The following GDAP2 variants were observed in gnomAD, a reference collection of about 807,000 sequenced individuals.
The protein encoded by GDAP2 is ganglioside induced differentiation associated protein 2, also known as ganglioside-induced differentiation-associated protein 2.
Under a neutral mutation model 67.0 loss-of-function variants are expected in GDAP2, and 51 were observed. The ratio of observed to expected loss-of-function variants is 0.76; its 90% CI spans 0.61 to 0.96. The LOEUF is 0.96. GDAP2 is among the 40% of genes least tolerant of loss of function. GDAP2 has a pLI of 0.00. For missense variants in GDAP2, 547 were observed against 588.3 expected (o/e 0.93, Z 0.73); for synonymous variants, 203 against 207.3 (o/e 0.98, Z 0.18).
chr1:117,883,279 T>C, intron 11 of GDAP2: 1 of 462,456 alleles, frequency 2.2e-6, no homozygotes, highest in Non-Finnish European at 3.9e-6. Context: ...AGATTGGTAA[T>C]GTAAAAAGTT....
chr1:117,896,938 C>T lies in GDAP2; in HGVS notation c.848G>A (p.Gly283Asp), dbSNP rs367706263. The stretch of plus-strand genomic sequence containing the variant: ...TTCCATTCGAGCAAAAGCATGAGAG[C>T]CAATGAAAGAGAGATCAACTCCCAA... ...EGLGVDLSFI[G>D]SHAFARMEGD... is the part of the protein sequence containing the mutation. The change falls in exon 8 of 14, where the codon GGC (glycine) becomes GAC (aspartate). Residue 283 changes from glycine (G) to aspartate (D), a missense_variant. By Grantham distance (94) the Gly-to-Asp change is moderately conservative. Transcript: ENST00000369443. 6.2e-6 allele frequency: 10 copies of T among 1,611,532 alleles called. No homozygotes were observed. The highest frequency in any genetic ancestry group is 8.5e-6 in the Non-Finnish European group (10 of 1,178,110).
intron 12 of GDAP2, among the ~76,000 whole-genome samples, chr1:117,879,785 A>C (rs1648588049): frequency 6.6e-6 from 1 of 152,138 alleles, no homozygotes; most frequent in Admixed American, 6.5e-5. Flanking sequence ...ATGTTTGAAG[A>C]TTGCATATAT....
intron 1 of GDAP2, among the ~76,000 whole-genome samples, chr1:117,923,754 C>T (rs192965721): frequency 1.0e-3 from 158 of 152,370 alleles, no homozygotes; most frequent in Non-Finnish European, 1.9e-3. Flanking sequence ...CAACCCCTTC[C>T]TGTCCCCCAA....
chr1:117,908,661 A>T (rs1649741864), intron 5 of GDAP2, among the ~76,000 whole-genome samples: 4 of 151,840 alleles, frequency 2.6e-5, no homozygotes, highest in East Asian at 1.9e-4. Context: ...TGTTTACCAA[A>T]TTTTTTTTAA....
intron 1 of GDAP2, among the ~76,000 whole-genome samples, chr1:117,923,814 CT>C (rs1557812241): frequency 6.6e-6 from 1 of 152,322 alleles, no homozygotes; most frequent in Non-Finnish European, 1.5e-5. Context: ...CTCATATAGC[CT>C]TTTCACCTAA....
intron 6 of GDAP2, among the ~76,000 whole-genome samples, chr1:117,903,524 G>T (rs1225992971): frequency 1.3e-5 from 2 of 152,078 alleles, no homozygotes; most frequent in East Asian, 1.9e-4. Flanking sequence ...CATCTATTCA[G>T]ATGGTCCTGT....
intron 6 of GDAP2, among the ~76,000 whole-genome samples, chr1:117,900,634 C>A (rs185886982): frequency 6.6e-6 from 1 of 151,602 alleles, no homozygotes; most frequent in Admixed American, 6.6e-5. Flanking sequence ...GGCGTGGTGG[C>A]GCGTGCCTAT....
Position 117,912,504 on chromosome 1 carries a change from A to G in GDAP2, c.470+26T>C, listed in dbSNP as rs781283927. 25 of 1,598,274 alleles carry G rather than the reference A, an allele frequency of 1.6e-5. No individual in the cohort carries two copies. The Admixed American group carries it at 3.9e-4, about 25-fold the overall frequency. ...GGCCTTTAACAATGTATGATATGCTATGTCCAGAAAATGAGTAGACCATAC... is the reference window on the plus strand; with the variant it reads ...GGCCTTTAACAATGTATGATATGCTGTGTCCAGAAAATGAGTAGACCATAC... On this transcript the variant is annotated intron_variant, in intron 4 of 13. Transcript: ENST00000369443.
In GDAP2 at chr1:117,863,485, T is replaced by C. The variant is rs1440641606; in HGVS notation, c.*7084A>G. ...AATAATAATGCTAAGTTGAGCCCAA[T>C]GGTCTGAATATTCCTTTACTGTAGC... On this transcript the variant is annotated 3_prime_UTR_variant, in exon 14 of 14. Transcript: ENST00000369443. 6.6e-6 allele frequency: 1 copy of C among 152,200 alleles called. No individual in the cohort carries two copies. The highest frequency in any genetic ancestry group is 1.5e-5 in the Non-Finnish European group (1 of 68,036). 9.4% of individuals were successfully genotyped at this position (152,200 alleles called of 1,614,324 possible).
chr1:117,896,153 T>C (rs966846121), intron 8 of GDAP2, among the ~76,000 whole-genome samples: 5 of 152,310 alleles, frequency 3.3e-5, no homozygotes, highest in Admixed American at 6.5e-5. Flanking sequence ...CATTACCTCA[T>C]TTAATGCTCA....
chr1:117,879,240 T>G (rs960625448), intron 12 of GDAP2, among the ~76,000 whole-genome samples: 3 of 152,130 alleles, frequency 2.0e-5, no homozygotes, highest in Admixed American at 2.0e-4. Flanking sequence ...TGCTAGGAGA[T>G]GAGGTACAGA....
At chr1:117,922,251 G>C (rs1249986096) in intron 1 of GDAP2, among the ~76,000 whole-genome samples, 1 of 152,164 alleles carries the variant, frequency 6.6e-6, no homozygotes, top group Non-Finnish European at 1.5e-5. Context: ...AATGCAAATA[G>C]AGAAAACAGA....
rs181776313 is a variant in GDAP2, at chr1:117,921,644, C to A, written c.-67-1220G>T. 9.9e-5 allele frequency among the ~76,000 whole-genome samples: 15 copies of A among 152,216 alleles called. No individual in the cohort carries two copies. The East Asian group carries it at 2.9e-3, about 29-fold the overall frequency. On this transcript the variant is annotated intron_variant, in intron 1 of 13. Coordinates refer to ENST00000369443, the MANE Select transcript of GDAP2 (RefSeq NM_017686.4). ...TGAGGTTGGTAAGAGAGGGAAAAAC[C>A]AGAGGATACTGTTTGTAAACTATGG...
At chr1:117,907,512 C>T (rs532025968) in intron 5 of GDAP2, among the ~76,000 whole-genome samples, 97 of 152,176 alleles carry the variant, frequency 6.4e-4, no homozygotes, top group Non-Finnish European at 1.2e-3. Context: ...TCCGAACAAA[C>T]CTGGTCCTTT....
chr1:117,870,257 A>C lies in GDAP2; in HGVS notation c.*312T>G. ...TGTGAACAGTCTTGGTGGTTTATCTAATGGAGAATTCGGTGTCCTTCAGGA... is the reference window on the plus strand; with the variant it reads ...TGTGAACAGTCTTGGTGGTTTATCTCATGGAGAATTCGGTGTCCTTCAGGA... On this transcript the variant is annotated 3_prime_UTR_variant, in exon 14 of 14. Transcript: ENST00000369443. 1 of 378,032 alleles carries C rather than the reference A, an allele frequency of 2.6e-6. No individual in the cohort carries two copies. Among genetic ancestry groups the C allele is most frequent in the Non-Finnish European group, 4.8e-6 (1 of 207,436 alleles). 23.4% of individuals were successfully genotyped at this position (378,032 alleles called of 1,614,324 possible).
chr1:117,915,720 C>A (rs567811053), intron 3 of GDAP2, among the ~76,000 whole-genome samples: 8 of 152,228 alleles, frequency 5.3e-5, no homozygotes, highest in African/African-American at 1.4e-4. Context: ...CATAAAATTT[C>A]TAAATTCACA....
rs1648134657 is a variant in GDAP2 at position 117,868,010 on chromosome 1, TAATTA to T, written c.*2554_*2558del. ...ATTAGCATTTGGCATGACCAAAGTT[TAATTA>T]AATTAAAGACTTGGTGGTGCTTTGA... On this transcript the variant is annotated 3_prime_UTR_variant, in exon 14 of 14. Transcript: ENST00000369443. The T allele has an allele frequency of 6.6e-6, 1 of 152,238 alleles. No individual in the cohort carries two copies. The highest frequency in any genetic ancestry group is 1.5e-5 in the Non-Finnish European group (1 of 68,040). The allele number at this position is 152,238 out of a possible 1,614,324, so 9.4% of individuals were successfully genotyped here. A position where few individuals can be genotyped will look rare whatever the true frequency, so the allele number is the denominator to read the frequency against.
At chr1:117,910,293 C>T (rs1437842658) in intron 5 of GDAP2, among the ~76,000 whole-genome samples, 2 of 152,054 alleles carry the variant, frequency 1.3e-5, no homozygotes, top group Non-Finnish European at 2.9e-5. Flanking sequence ...ACCTAAAACA[C>T]AGGGTTGTTA....
chr1:117,918,903 G>C (rs530405931), intron 2 of GDAP2, among the ~76,000 whole-genome samples, 167 bp from the exon 3 acceptor site: 1 of 150,488 alleles, frequency 6.6e-6, no homozygotes, highest in Admixed American at 6.6e-5. Flanking sequence ...AAAACAATCT[G>C]GCATCTTAGA....
Sources: gnomAD v4.1 joint callset for allele counts (sites outside exome capture counted in the v4.1 genomes callset) on GRCh38, gnomAD v4.1.1 for gene constraint, MANE v1.5 for transcripts, NCBI Gene and HGNC (gene_info 2026-07-23, HGNC 2026-07-21) for gene names.